The following GALNT14 variants were observed in gnomAD, a reference collection of about 807,000 sequenced individuals.
GALNT14 encodes polypeptide N-acetylgalactosaminyltransferase 14, also known as UDP-GalNAc:polypeptide N-acetylgalactosaminyltransferase 14.
Under a neutral mutation model 77.5 loss-of-function variants are expected in GALNT14, and 60 were observed. The ratio of observed to expected loss-of-function variants is 0.77; its 90% confidence interval spans 0.63 to 0.96. GALNT14 has a LOEUF of 0.96. Ranked by LOEUF, GALNT14 falls within the 40% of genes least tolerant of loss-of-function variation. GALNT14 has a pLI of 0.00. For missense variants in GALNT14, 710 were observed against 731.0 expected (o/e 0.97, Z 0.33); for synonymous variants, 280 against 281.7 (o/e 0.99, Z 0.06).
At chr2:31,002,291 G>A (rs1428106621) in intron 1 of GALNT14, among the ~76,000 whole-genome samples, 3 of 152,052 alleles carry the variant, frequency 2.0e-5, no homozygotes, top group Non-Finnish European at 2.9e-5. Context: ...TTACCCGGGC[G>A]TGGTGATGTG....
At chr2:31,083,061 T>C (rs1676235169) in intron 1 of GALNT14, among the ~76,000 whole-genome samples, 1 of 151,994 alleles carries the variant, frequency 6.6e-6, no homozygotes, top group Non-Finnish European at 1.5e-5. Flanking sequence ...CTACTATTAA[T>C]AATAATAATA....
At chr2:31,082,497 C>A (rs986356737) in intron 1 of GALNT14, among the ~76,000 whole-genome samples, 20 of 152,154 alleles carry the variant, frequency 1.3e-4, no homozygotes, top group Admixed American at 1.3e-3. Flanking sequence ...GTTTCTAGAA[C>A]CAAAGGACTA....
At chr2:30,971,875 G>A (rs919816011) in intron 2 of GALNT14, among the ~76,000 whole-genome samples, 14 of 152,128 alleles carry the variant, frequency 9.2e-5, no homozygotes, top group Admixed American at 3.9e-4. Flanking sequence ...TTTACCCCAC[G>A]AGCTCATTAC....
intron 1 of GALNT14, among the ~76,000 whole-genome samples, chr2:31,118,298 A>T (rs1678216695): frequency 6.6e-6 from 1 of 152,218 alleles, no homozygotes; most frequent in Non-Finnish European, 1.5e-5. Context: ...TACACACCTA[A>T]ATCTAAAACC....
chr2:30,980,411 C>T (rs1668915730), intron 2 of GALNT14, among the ~76,000 whole-genome samples: 1 of 152,220 alleles, frequency 6.6e-6, no homozygotes, highest in Non-Finnish European at 1.5e-5. Flanking sequence ...CTCCTGATGC[C>T]AGTACTAACT....
At chr2:31,103,486 A>G (rs1485322448) in intron 1 of GALNT14, among the ~76,000 whole-genome samples, 3 of 72,556 alleles carry the variant, frequency 4.1e-5, no homozygotes, top group African/African-American at 1.8e-4. Flanking sequence ...ATAGAGAAGA[A>G]GGAAACACAC....
At chr2:30,952,460 G>A (rs1339337076) in intron 6 of GALNT14, among the ~76,000 whole-genome samples, 2 of 151,128 alleles carry the variant, frequency 1.3e-5, no homozygotes, top group Non-Finnish European at 2.9e-5. Flanking sequence ...GTCCTTTGTA[G>A]GGACATGGAT....
chr2:31,009,241 C>T (rs1670868226), intron 1 of GALNT14, among the ~76,000 whole-genome samples: 1 of 152,194 alleles, frequency 6.6e-6, no homozygotes, highest in Admixed American at 6.5e-5. Flanking sequence ...CTACTGGATG[C>T]TCAGCACTAA....
At chr2:31,110,227 TA>T (rs1677767073) in intron 1 of GALNT14, among the ~76,000 whole-genome samples, 2 of 152,130 alleles carry the variant, frequency 1.3e-5, no homozygotes, top group East Asian at 3.9e-4. Flanking sequence ...ATCCGTGTAT[TA>T]TAAATGCAGA....
Position 30,955,782 on chromosome 2 carries a change from C to G in GALNT14, c.533-43G>C, listed in dbSNP as rs752120965. ...TGACGAAGTGGGTGCCACTGTCACTCCATTGTCCAGCGAGACCAGGGAGAA... is the reference window on the plus strand; with the variant it reads ...TGACGAAGTGGGTGCCACTGTCACTGCATTGTCCAGCGAGACCAGGGAGAA... On this transcript the variant is annotated intron_variant, in intron 5 of 14. Transcript: ENST00000349752. The G allele has an allele frequency of 1.9e-6, 3 of 1,612,174 alleles. No individual in the cohort carries two copies. The South Asian group carries it at 3.3e-5, about 18-fold the overall frequency.
intron 1 of GALNT14, among the ~76,000 whole-genome samples, chr2:31,073,781 T>C (rs980448672): frequency 6.6e-6 from 1 of 152,164 alleles, no homozygotes; most frequent in East Asian, 1.9e-4. Flanking sequence ...GACTTGGAGT[T>C]TGACTTGGAT....
At chr2:31,019,069 T>C (rs1341477962) in intron 1 of GALNT14, among the ~76,000 whole-genome samples, 1 of 152,142 alleles carries the variant, frequency 6.6e-6, no homozygotes, top group African/African-American at 2.4e-5. Flanking sequence ...AACAACTCCA[T>C]GAGGCAGGAG....
At chr2:31,095,692 T>C (rs930092863) in intron 1 of GALNT14, among the ~76,000 whole-genome samples, 1 of 152,146 alleles carries the variant, frequency 6.6e-6, no homozygotes, top group Non-Finnish European at 1.5e-5. Flanking sequence ...TCCCATAGAA[T>C]GGTTATTGAA....
chr2:30,987,964 C>CT (rs1301183873), intron 2 of GALNT14, among the ~76,000 whole-genome samples: 2 of 152,172 alleles, frequency 1.3e-5, no homozygotes, highest in Admixed American at 1.3e-4. Flanking sequence ...CTTCACCCTT[C>CT]TTTTTTCAGT....
At chr2:31,106,231 A>G (rs536880570) in intron 1 of GALNT14, among the ~76,000 whole-genome samples, 1 of 152,286 alleles carries the variant, frequency 6.6e-6, no homozygotes, top group Admixed American at 6.5e-5. Context: ...CTTCTTTTAG[A>G]TCATGAAAGC....
intron 9 of GALNT14, among the ~76,000 whole-genome samples, chr2:30,940,760 G>A (rs1171914282): frequency 6.6e-6 from 1 of 152,306 alleles, no homozygotes; most frequent in East Asian, 1.9e-4. Flanking sequence ...GGCTGGTGGA[G>A]GCAGACCCAG....
rs557225935 is a variant in GALNT14 at position 30,983,480 on chromosome 2, C to T, written c.299+9358G>A. Among the ~76,000 whole-genome samples the T allele has an allele frequency of 1.2e-4, 18 of 152,248 alleles. No homozygotes were observed. In the South Asian group the frequency reaches 3.7e-3, roughly 32 times the overall value. On this transcript the variant is annotated intron_variant, in intron 2 of 14. Coordinates refer to ENST00000349752, the MANE Select transcript of GALNT14 (RefSeq NM_024572.4). ...CCACATCTCTTTCCCCTGCCTCATTCCCCAGGTAATGTGAAATGTAGGAGG... is the reference window on the plus strand; with the variant it reads ...CCACATCTCTTTCCCCTGCCTCATTTCCCAGGTAATGTGAAATGTAGGAGG...
At chr2:31,024,773 A>G (rs1192983262) in intron 1 of GALNT14, among the ~76,000 whole-genome samples, 1 of 152,234 alleles carries the variant, frequency 6.6e-6, no homozygotes. Context: ...TCTACTCCAT[A>G]AATATTTGCT....
intron 2 of GALNT14, among the ~76,000 whole-genome samples, chr2:30,969,817 A>C (rs1192600155): frequency 2.0e-5 from 3 of 152,162 alleles, no homozygotes; most frequent in African/African-American, 7.2e-5. Context: ...TGTAACACGG[A>C]ATGGGCCCAA....
Sources: allele counts gnomAD v4.1 joint callset (sites outside exome capture counted in the v4.1 genomes callset), GRCh38; gene constraint gnomAD v4.1.1; transcripts MANE v1.5; gene names NCBI Gene and HGNC (gene_info 2026-07-23, HGNC 2026-07-21).